Variants in LSM5 observed in about 807,000 individuals in gnomAD.
LSM5 encodes U6 snRNA-associated Sm-like protein LSm5.
A neutral mutation model predicts 13.8 loss-of-function variants in LSM5; 8 were observed. The ratio of observed to expected loss-of-function variants is 0.58; its 90% CI spans 0.34 to 1.04. The LOEUF is 1.04. Ranked by LOEUF, LSM5 falls within the 50% of genes least tolerant of loss-of-function variation. The pLI is 0.03. For missense variants in LSM5, 80 were observed against 108.1 expected (o/e 0.74, Z 1.15); for synonymous variants, 35 against 37.0 (o/e 0.95, Z 0.20).
chr7:32,491,905 T>A (rs181390929), upstream of LSM5, among the ~76,000 whole-genome samples: 17 of 150,786 alleles, frequency 1.1e-4, no homozygotes, highest in East Asian at 3.4e-3. Context: ...AAGCAATTTC[T>A]TATTTTATAC....
chr7:32,491,071 C>G (rs1284791875), upstream of LSM5, among the ~76,000 whole-genome samples: 1 of 152,146 alleles, frequency 6.6e-6, no homozygotes, highest in Non-Finnish European at 1.5e-5. Flanking sequence ...CGGCCCTAGT[C>G]TGTTTTATAT....
intron 1 of LSM5, chr7:32,490,025 C>G: frequency 7.2e-7 from 1 of 1,385,408 alleles, no homozygotes; most frequent in East Asian, 3.3e-5. Flanking sequence ...GGCCTACTAC[C>G]TATAACACTG....
At chr7:32,490,015 G>A (rs1357621137) in intron 1 of LSM5, 6 of 1,339,558 alleles carry the variant, frequency 4.5e-6, no homozygotes, top group Non-Finnish European at 4.8e-6. Flanking sequence ...CTGAGAAGTA[G>A]GCCTACTACC....
chr7:32,490,552 C>T (rs1022603485), upstream of LSM5: 2 of 609,476 alleles, frequency 3.3e-6, no homozygotes, highest in African/African-American at 3.7e-5. Context: ...ATTTCCTGCC[C>T]ACTGGACATT....
At chr7:32,487,337 T>C (rs779322070) in intron 4 of LSM5, 44 bp from the exon 5 acceptor site, 2 of 1,572,442 alleles carry the variant, frequency 1.3e-6, no homozygotes, top group Admixed American at 1.7e-5. Context: ...ACTACCACCA[T>C]GTCATCTAAA....
At chr7:32,488,141 C>T (rs1054959795) in intron 3 of LSM5, 13 of 224,348 alleles carry the variant, frequency 5.8e-5, no homozygotes, top group Non-Finnish European at 8.7e-5. Context: ...AACTCCTGGG[C>T]TCAAGGGATC....
At chr7:32,490,565 A>G, upstream of LSM5, 2 of 601,220 alleles carry the variant, frequency 3.3e-6, no homozygotes, top group Non-Finnish European at 6.1e-6. Context: ...TGGACATTTT[A>G]CCATCTCGGC....
upstream of LSM5, among the ~76,000 whole-genome samples, chr7:32,493,736 T>G (rs917694100): frequency 6.2e-4 from 95 of 152,080 alleles, no homozygotes; most frequent in African/African-American, 2.1e-3. Flanking sequence ...AGATGGGGTT[T>G]CACCATGTTG....
upstream of LSM5, chr7:32,494,976 A>G (rs545201361): frequency 6.6e-6 from 1 of 152,210 alleles, no homozygotes; most frequent in East Asian, 1.9e-4. Flanking sequence ...AAGGCTGAAT[A>G]CACAGATACG....
upstream of LSM5, among the ~76,000 whole-genome samples, chr7:32,493,419 A>C (rs1786635821): frequency 6.7e-6 from 1 of 149,568 alleles, no homozygotes; most frequent in South Asian, 2.1e-4. Flanking sequence ...TGCCCCACCT[A>C]TATTCTAAAT....
rs1045421504 is a variant in LSM5, at chr7:32,485,523, T to A, written c.*1738A>T. 22 of 152,052 alleles carry A rather than the reference T, an allele frequency of 1.4e-4. No homozygotes were observed. Among genetic ancestry groups the A allele is most frequent in the Admixed American group, 1.2e-3 (19 of 15,266 alleles). 9.4% of individuals were successfully genotyped at this position (152,052 alleles called of 1,614,324 possible). The stretch of plus-strand genomic sequence containing the variant: ...AAAATACATGACTAACAGAAACCCA[T>A]CAAGAATTCTTACAAATTAGTAAGA... On this transcript the variant is annotated 3_prime_UTR_variant, in exon 5 of 5. Coordinates refer to ENST00000450169, the MANE Select transcript of LSM5 (RefSeq NM_012322.3).
At position 32,490,312 on chromosome 7, in the gene LSM5, G is replaced by A. The variant is rs1786549597; in HGVS notation, c.46+8C>T. ...CCCTGTTCCTGCTCCCCAAAGGACG[G>A]CGATTACCTAAGGGCAGCAGCTGCG... On this transcript the variant is annotated splice_region_variant and intron_variant, in intron 1 of 4. Coordinates refer to ENST00000450169, the MANE Select transcript of LSM5 (RefSeq NM_012322.3). 6.2e-7 allele frequency: 1 copy of A among 1,614,096 alleles called. No individual in the cohort carries two copies. Among genetic ancestry groups the A allele is most frequent in the Admixed American group, 1.7e-5 (1 of 60,004 alleles).
intron 1 of LSM5, chr7:32,489,875 T>C: frequency 2.5e-6 from 1 of 398,048 alleles, no homozygotes; most frequent in Non-Finnish European, 4.4e-6. Context: ...ACTTATTGAA[T>C]GAATAAATAA....
upstream of LSM5, chr7:32,495,250 A>C (rs2128107190): frequency 6.4e-6 from 1 of 156,192 alleles, no homozygotes; most frequent in East Asian, 1.9e-4. Context: ...CGCGGACACC[A>C]CAGGCTCTGC....
At chr7:32,492,881 T>A (rs1365699343), upstream of LSM5, among the ~76,000 whole-genome samples, 1 of 152,238 alleles carries the variant, frequency 6.6e-6, no homozygotes, top group Non-Finnish European at 1.5e-5. Flanking sequence ...GTATTATATG[T>A]TCAGAAAGGC....
intron 3 of LSM5, 166 bp from the exon 4 acceptor site, chr7:32,487,923 T>C (rs1786486198): frequency 1.8e-6 from 1 of 551,740 alleles, no homozygotes; most frequent in African/African-American, 1.9e-5. Flanking sequence ...CTAGGTAATG[T>C]AACCTTCATT....
At chr7:32,487,315 TTTA>T in intron 4 of LSM5, 22 bp from the exon 5 acceptor site, 1 of 1,608,320 alleles carries the variant, frequency 6.2e-7, no homozygotes. Flanking sequence ...GGAAAAAGAG[TTTA>T]TTAATAACAC....
upstream of LSM5, among the ~76,000 whole-genome samples, chr7:32,494,801 C>T: frequency 6.6e-6 from 1 of 152,102 alleles, no homozygotes. Context: ...AATCGCAGGA[C>T]TAGAATAATC....
chr7:32,494,128 C>T (rs780658740), upstream of LSM5, among the ~76,000 whole-genome samples: 20 of 152,216 alleles, frequency 1.3e-4, no homozygotes, highest in Non-Finnish European at 2.6e-4. Context: ...AGCCACCACA[C>T]CCGGCCCTTA....
Sources: allele counts gnomAD v4.1 joint callset (sites outside exome capture counted in the v4.1 genomes callset), GRCh38; gene constraint gnomAD v4.1.1; transcripts MANE v1.5; gene names NCBI Gene and HGNC (gene_info 2026-07-23, HGNC 2026-07-21).